The following PTBP2 variants were observed in gnomAD, a reference collection of about 807,000 sequenced individuals.
PTBP2 encodes the protein polypyrimidine tract binding protein 2.
In PTBP2, 13 loss-of-function variants were observed where a neutral mutation model predicts 61.4. That is an observed-to-expected ratio of 0.21 (90% CI 0.14 to 0.34). The LOEUF is 0.34. Among genes scored for constraint, PTBP2 ranks in the 10% least tolerant of loss-of-function variants. The pLI, the probability that PTBP2 is intolerant of heterozygous loss-of-function variation, is 1.00. For synonymous variants in PTBP2, 215 were observed against 218.5 expected (o/e 0.98, Z 0.14); for missense variants, 405 against 642.6 (o/e 0.63, Z 4.00).
At chr1:96,754,105 A>G (rs1322264298) in intron 3 of PTBP2, among the ~76,000 whole-genome samples, 1 of 152,176 alleles carries the variant, frequency 6.6e-6, no homozygotes, top group East Asian at 1.9e-4. Context: ...TTAGACACAT[A>G]GTAGTCAAAA....
chr1:96,809,755 T>C (rs1239555522), intron 11 of PTBP2, among the ~76,000 whole-genome samples: 1 of 152,062 alleles, frequency 6.6e-6, no homozygotes, highest in Non-Finnish European at 1.5e-5. Flanking sequence ...AATGGGAATA[T>C]AAAATACTTA....
intron 8 of PTBP2, among the ~76,000 whole-genome samples, chr1:96,797,343 A>C (rs547622266): frequency 1.9e-4 from 29 of 152,206 alleles, no homozygotes; most frequent in Non-Finnish European, 3.8e-4. Context: ...TTAATTAAAA[A>C]GTTAATCTGA....
intron 8 of PTBP2, among the ~76,000 whole-genome samples, chr1:96,801,581 G>A (rs1382422339): frequency 2.0e-5 from 3 of 152,096 alleles, no homozygotes; most frequent in Non-Finnish European, 4.4e-5. Flanking sequence ...TTGGCCAGGC[G>A]CAGTGGCTCA....
chr1:96,751,659 A>AG (rs1654566502), intron 3 of PTBP2, among the ~76,000 whole-genome samples, 159 bp downstream of exon 3: 2 of 30,664 alleles, frequency 6.5e-5, no homozygotes, highest in Admixed American at 6.7e-4. Context: ...AGCCGAGTGG[A>AG]AAAAAAAAAA....
intron 8 of PTBP2, among the ~76,000 whole-genome samples, chr1:96,795,592 A>G (rs1328513024): frequency 2.0e-5 from 3 of 152,234 alleles, no homozygotes; most frequent in Admixed American, 1.3e-4. Flanking sequence ...AAGATAAACA[A>G]GAAATCTAGG....
chr1:96,823,399 A>G (rs1010123691), exon 14 of PTBP2: 2 of 152,246 alleles, frequency 1.3e-5, no homozygotes, highest in African/African-American at 4.8e-5. Flanking sequence ...GAGAATCACT[A>G]AGATACAATT....
chr1:96,782,509 A>C (rs1359093128), intron 7 of PTBP2, among the ~76,000 whole-genome samples: 1 of 152,004 alleles, frequency 6.6e-6, no homozygotes, highest in Admixed American at 6.6e-5. Context: ...TTAATGGAGA[A>C]TTTATGATGA....
intron 8 of PTBP2, among the ~76,000 whole-genome samples, chr1:96,793,573 G>T (rs6702379): frequency 0.12 from 18,517 of 151,880 alleles, 1,225 homozygotes; most frequent in African/African-American, 0.17. Flanking sequence ...GGCTTTCACC[G>T]TGTTAGCCAG....
chr1:96,747,172 T>G (rs548292742), intron 2 of PTBP2, among the ~76,000 whole-genome samples: 1 of 151,948 alleles, frequency 6.6e-6, no homozygotes, highest in African/African-American at 2.4e-5. Context: ...CAAATTCCCT[T>G]TGCATCTTAG....
chr1:96,757,845 A>G (rs1655335490), intron 3 of PTBP2, among the ~76,000 whole-genome samples: 1 of 152,142 alleles, frequency 6.6e-6, no homozygotes, highest in Non-Finnish European at 1.5e-5. Context: ...TGTTACCACA[A>G]GGACATATTT....
intron 8 of PTBP2, among the ~76,000 whole-genome samples, chr1:96,798,716 T>C (rs1406161798): frequency 6.6e-6 from 1 of 152,188 alleles, no homozygotes; most frequent in African/African-American, 2.4e-5. Flanking sequence ...AATCTGATAA[T>C]GGACTTTTGT....
At chr1:96,779,189 T>G (rs1057388317) in intron 7 of PTBP2, among the ~76,000 whole-genome samples, 1 of 152,082 alleles carries the variant, frequency 6.6e-6, no homozygotes, top group Admixed American at 6.6e-5. Flanking sequence ...TCTTTTTTTT[T>G]GTCCAAAAAA....
chr1:96,796,315 T>C (rs1423443011), intron 8 of PTBP2, among the ~76,000 whole-genome samples: 1 of 148,762 alleles, frequency 6.7e-6, no homozygotes, highest in Admixed American at 6.7e-5. Context: ...AAGAAGTAGG[T>C]GCAGAGCTGG....
intron 7 of PTBP2, among the ~76,000 whole-genome samples, chr1:96,779,002 C>T (rs935509696): frequency 1.2e-4 from 19 of 152,050 alleles, no homozygotes; most frequent in African/African-American, 4.3e-4. Context: ...TTTTCCCCTG[C>T]GTTACAAGAG....
intron 2 of PTBP2, among the ~76,000 whole-genome samples, chr1:96,750,118 A>T (rs952425467): frequency 4.6e-5 from 7 of 151,826 alleles, no homozygotes; most frequent in Admixed American, 3.3e-4. Flanking sequence ...TTTCTTATTC[A>T]GTAGGTCTGG....
At chr1:96,730,690 C>T (rs1398754405) in intron 2 of PTBP2, among the ~76,000 whole-genome samples, 1 of 152,176 alleles carries the variant, frequency 6.6e-6, no homozygotes, top group Non-Finnish European at 1.5e-5. Context: ...GTTCTTTTCT[C>T]TGGTACTTTG....
intron 2 of PTBP2, among the ~76,000 whole-genome samples, chr1:96,742,396 T>G (rs1653155171): frequency 2.0e-5 from 3 of 152,214 alleles, no homozygotes; most frequent in South Asian, 2.1e-4. Context: ...AAAACTGTTT[T>G]ATTGAAAGCT....
intron 7 of PTBP2, among the ~76,000 whole-genome samples, chr1:96,782,661 A>G (rs1444750610): frequency 6.6e-6 from 1 of 152,016 alleles, no homozygotes; most frequent in Non-Finnish European, 1.5e-5. Context: ...ATAATTTTTC[A>G]TGACTTGCCA....
chr1:96,741,922 C>A (rs1165693709), intron 2 of PTBP2, among the ~76,000 whole-genome samples: 2 of 152,178 alleles, frequency 1.3e-5, no homozygotes, highest in Non-Finnish European at 2.9e-5. Flanking sequence ...AGAACCATTT[C>A]TGTGCTATGT....
Sources: allele counts gnomAD v4.1 joint callset (sites outside exome capture counted in the v4.1 genomes callset), GRCh38; gene constraint gnomAD v4.1.1; transcripts MANE v1.5; gene names NCBI Gene and HGNC (gene_info 2026-07-23, HGNC 2026-07-21).